Variants in NOTCH1 observed in about 807,000 individuals in gnomAD.
NOTCH1 encodes neurogenic locus notch homolog protein 1.
A neutral mutation model predicts 254.8 loss-of-function variants in NOTCH1; 37 were observed. That is an observed-to-expected ratio of 0.15 (90% CI 0.11 to 0.19). NOTCH1 has a LOEUF of 0.19. Ranked by LOEUF, NOTCH1 falls within the 10% of genes least tolerant of loss-of-function variation. The pLI is 1.00. For synonymous variants in NOTCH1, 1,731 were observed against 1,618.1 expected (o/e 1.07, Z -1.68); for missense variants, 2,972 against 3,708.6 (o/e 0.80, Z 5.16).
chr9:136,539,165 A>G (rs1843696365), intron 2 of NOTCH1, among the ~76,000 whole-genome samples: 2 of 152,194 alleles, frequency 1.3e-5, no homozygotes, highest in African/African-American at 4.8e-5. Context: ...TCTTCCTGCC[A>G]GGGTTGCTGT....
At position 136,500,975 on chromosome 9, in the gene NOTCH1, C is replaced by T. The variant is rs781166342; in HGVS notation, c.5639-128G>A. The T allele has an allele frequency of 1.0e-5, 11 of 1,079,026 alleles. 1 individual carries two copies. In the South Asian group the frequency reaches 1.1e-4, roughly 11 times the overall value. 66.8% of individuals were successfully genotyped at this position (1,079,026 alleles called of 1,614,324 possible). On this transcript the variant is annotated intron_variant, in intron 30 of 33. Coordinates refer to ENST00000651671, the MANE Select transcript of NOTCH1 (RefSeq NM_017617.5). ...TGCACCACCCAGCACTTGGTGGCCC[C>T]GTGCACACAGCCACCAAGGGGCAGC...
chr9:136,521,529 C>T (rs1843366303), intron 4 of NOTCH1, among the ~76,000 whole-genome samples: 1 of 152,190 alleles, frequency 6.6e-6, no homozygotes, highest in African/African-American at 2.4e-5. Context: ...CCGCACACAC[C>T]CCACCTGCCC....
chr9:136,495,224 A>C lies in NOTCH1; in HGVS notation c.*847T>G, dbSNP rs1842898454. 9 of 399,092 alleles carry C rather than the reference A, an allele frequency of 2.3e-5. No homozygotes were observed. In the South Asian group the frequency reaches 8.9e-4, roughly 39 times the overall value. 24.7% of individuals were successfully genotyped at this position (399,092 alleles called of 1,614,324 possible). A position where few individuals can be genotyped will look rare whatever the true frequency, so the allele number is the denominator to read the frequency against. ...GACCCAGGCAAGTGCCACAGTCCAC[A>C]CATCTCATGTTTGACATGCATGATG... On this transcript the variant is annotated 3_prime_UTR_variant, in exon 34 of 34. Transcript: ENST00000651671.
Position 136,509,124 on chromosome 9 carries a change from G to A in NOTCH1, c.2970-53C>T, listed in dbSNP as rs775571202. The A allele has an allele frequency of 2.5e-4, 370 of 1,480,360 alleles. 1 individual carries two copies. Among genetic ancestry groups the A allele is most frequent in the Non-Finnish European group, 3.1e-4 (334 of 1,086,096 alleles). 91.7% of individuals were successfully genotyped at this position (1,480,360 alleles called of 1,614,324 possible). On this transcript the variant is annotated intron_variant, in intron 18 of 33. Coordinates refer to ENST00000651671, the MANE Select transcript of NOTCH1 (RefSeq NM_017617.5). ...GAGTGGAGGGCATTGGTGGGTCCCC[G>A]CTCCAGCAGATTCTGCCTCGCCAGC...
rs373841359 is a variant in NOTCH1 at position 136,502,383 on chromosome 9, C to T, written c.5273G>A (p.Arg1758His). The T allele has an allele frequency of 1.2e-4, 189 of 1,612,088 alleles. No individual in the cohort carries two copies. The highest frequency in any genetic ancestry group is 5.7e-4 in the Admixed American group (34 of 59,978). ...CTGGCCATGCTGCCGCCGGCGCTTG[C>T]GGGACAGCAGCACCCCGCAGCCCAC... ...FFVGCGVLLS[R>H]KRRRQHGQLW... The change falls in exon 28 of 34, where the codon CGC becomes CAC. Residue 1758 changes from arginine (R) to histidine (H), a missense_variant. This residue lies in a region of NOTCH1 where 421 missense variants were observed against 604.4 expected (regional missense o/e 0.70). Transcript: ENST00000651671.
At chr9:136,518,355 G>T in intron 6 of NOTCH1, 63 bp from the exon 7 acceptor site, 1 of 1,554,232 alleles carries the variant, frequency 6.4e-7, no homozygotes. Context: ...ACCACCCACG[G>T]CTGGGGTCCA....
intron 33 of NOTCH1, 47 bp from the exon 34 acceptor site, chr9:136,497,605 G>A (rs772656574): frequency 2.0e-6 from 3 of 1,488,990 alleles, no homozygotes; most frequent in Admixed American, 2.0e-5. Context: ...GGCCAGGCGT[G>A]GGGACCCTCC....
Position 136,508,965 on chromosome 9 carries a change from C to T in NOTCH1, c.3076G>A (p.Asp1026Asn), listed in dbSNP as rs772134978. 13 of 1,553,500 alleles carry T rather than the reference C, an allele frequency of 8.4e-6. No homozygotes were observed. The highest frequency in any genetic ancestry group is 7.8e-5 in the Admixed American group (4 of 51,556). The change falls in exon 19 of 34, where the codon GAC becomes AAC. Residue 1026 changes from aspartate (D) to asparagine (N), a missense_variant. By Grantham distance (23) the Asp-to-Asn change is conservative (BLOSUM62 1). Around this residue, in one of 8 missense-constraint regions of NOTCH1, gnomAD observed 1,343 missense variants for 1,557.0 expected, o/e 0.86. Transcript: ENST00000651671. ...CCGCCATGCAGGCAGGGCTGTGAGTCGCACTCATTGACATCGTGCTGGCAG... is the reference window on the plus strand; with the variant it reads ...CCGCCATGCAGGCAGGGCTGTGAGTTGCACTCATTGACATCGTGCTGGCAG... ...SYCQHDVNEC[D>N]SQPCLHGGTC...
At position 136,499,101 on chromosome 9, in the gene NOTCH1, C is replaced by G. The variant is rs775315894; in HGVS notation, c.6082+11G>C. ...CCCCACGACAGAGCAGCCGTGCCCC[C>G]GTGGGCTCACCCAGGTCATCTACGG... On this transcript the variant is annotated intron_variant, in intron 32 of 33. Coordinates refer to ENST00000651671, the MANE Select transcript of NOTCH1 (RefSeq NM_017617.5). 7 of 1,612,884 alleles carry G rather than the reference C, an allele frequency of 4.3e-6. No individual in the cohort carries two copies. Among genetic ancestry groups the G allele is most frequent in the Non-Finnish European group, 5.9e-6 (7 of 1,179,994 alleles).
At chr9:136,524,046 C>T (rs925102872) in intron 2 of NOTCH1, 67 bp from the exon 3 acceptor site, 27 of 1,527,684 alleles carry the variant, frequency 1.8e-5, no homozygotes, top group Non-Finnish European at 2.2e-5. Context: ...CACTCAGCAC[C>T]GGGAACCTGT....
In NOTCH1 at chr9:136,509,054, C is replaced by T; in HGVS notation, c.2987G>A (p.Gly996Asp). ...CGAGTTGATGCCGTCCACGCAGGTGCCACCGTTGAAGCAGGAGCTGCAAGG... is the reference window on the plus strand; with the variant it reads ...CGAGTTGATGCCGTCCACGCAGGTGTCACCGTTGAAGCAGGAGCTGCAAGG... The part of the protein sequence containing the change: ...DCTESSCFNG[G>D]TCVDGINSFT... Residue 996 changes from glycine to aspartate, a missense_variant, in exon 19 of 34, where the codon GGC becomes GAC. Physicochemically the swap from Gly to Asp is moderately conservative, Grantham distance 94. Transcript: ENST00000651671. 3.2e-6 allele frequency: 5 copies of T among 1,558,786 alleles called. No homozygotes were observed. Among genetic ancestry groups the T allele is most frequent in the Admixed American group, 1.9e-5 (1 of 52,424 alleles).
At chr9:136,504,603 G>A (rs2133335376) in intron 26 of NOTCH1, 70 bp downstream of exon 26, 3 of 1,414,448 alleles carry the variant, frequency 2.1e-6, no homozygotes, top group Non-Finnish European at 2.8e-6. Context: ...GGCCGTGAGG[G>A]GCAGGGAGGC....
chr9:136,536,284 A>C (rs1357461993), intron 2 of NOTCH1, among the ~76,000 whole-genome samples: 1 of 152,162 alleles, frequency 6.6e-6, no homozygotes, highest in Admixed American at 6.5e-5. Flanking sequence ...TGCAGGGGAC[A>C]TGGCGCTTCC....
At position 136,517,432 on chromosome 9, in the gene NOTCH1, C is replaced by G. The variant is rs1279150415; in HGVS notation, c.1442-47G>C. 11 of 1,265,124 alleles carry G rather than the reference C, an allele frequency of 8.7e-6. No homozygotes were observed. The East Asian group carries it at 1.8e-4, about 20-fold the overall frequency. 78.4% of individuals were successfully genotyped at this position (1,265,124 alleles called of 1,614,324 possible). A position where few individuals can be genotyped will look rare whatever the true frequency, so the allele number is the denominator to read the frequency against. ...AGGGGGGCACGCGCGGCCCCAGTGCCCCACTGGGCACAGCTGTGGACTTGG... is the reference window on the plus strand; with the variant it reads ...AGGGGGGCACGCGCGGCCCCAGTGCGCCACTGGGCACAGCTGTGGACTTGG... On this transcript the variant is annotated intron_variant, in intron 8 of 33. Transcript: ENST00000651671.
chr9:136,522,547 C>T (rs1334570975), intron 4 of NOTCH1: 5 of 419,756 alleles, frequency 1.2e-5, no homozygotes, highest in African/African-American at 2.1e-5. Flanking sequence ...CTGGGGGTTG[C>T]GCAAGTCAGG....
intron 2 of NOTCH1, among the ~76,000 whole-genome samples, chr9:136,537,529 G>C (rs1843673989): frequency 6.6e-6 from 1 of 152,340 alleles, no homozygotes; most frequent in South Asian, 2.1e-4. Flanking sequence ...GAACTAGATA[G>C]TGGTTGAATG....
chr9:136,520,939 G>A (rs1042575781), intron 4 of NOTCH1, among the ~76,000 whole-genome samples: 11 of 152,172 alleles, frequency 7.2e-5, no homozygotes, highest in Admixed American at 4.6e-4. Flanking sequence ...GACCCTCTGC[G>A]ACGTAGCCTC....
rs60447468 is a variant in NOTCH1 at position 136,497,757 on chromosome 9, T to A, written c.6181-199A>T. On this transcript the variant is annotated intron_variant, in intron 33 of 33. Coordinates refer to ENST00000651671, the MANE Select transcript of NOTCH1 (RefSeq NM_017617.5). ...TTAAATGTTAAGGCTTTGATACATC[T>A]TCTGAAACCCACCCAGAGAGGGGAT... Among the ~76,000 whole-genome samples, 1,224 of 152,212 alleles carry A rather than the reference T, an allele frequency of 8.0e-3. 16 individuals carry two copies. Among genetic ancestry groups the A allele is most frequent in the African/African-American group, 0.028 (1,150 of 41,532 alleles).
At chr9:136,523,335 G>C (rs149862634) in intron 3 of NOTCH1, 147 bp from the exon 4 acceptor site, 21 of 887,368 alleles carry the variant, frequency 2.4e-5, no homozygotes, top group Admixed American at 1.6e-4. Context: ...CGTGAGACCG[G>C]TCGCCTTTGG....
Sources: allele counts gnomAD v4.1 joint callset (sites outside exome capture counted in the v4.1 genomes callset), GRCh38; gene constraint gnomAD v4.1.1; regional missense constraint gnomAD v4.1.1; transcripts MANE v1.5; gene names NCBI Gene and HGNC (gene_info 2026-07-23, HGNC 2026-07-21).